The following EPB41L4A variants were observed in gnomAD, a reference collection of about 807,000 sequenced individuals.
EPB41L4A encodes band 4.1-like protein 4A.
Under a neutral mutation model 108.6 loss-of-function variants are expected in EPB41L4A, and 100 were observed. The ratio of observed to expected loss-of-function variants is 0.92; its 90% CI spans 0.78 to 1.09. The LOEUF (loss-of-function observed/expected upper bound fraction) is 1.09. Among genes scored for constraint, EPB41L4A ranks in the 50% least tolerant of loss-of-function variants. The pLI, the probability that EPB41L4A is intolerant of heterozygous loss-of-function variation, is 0.00. For synonymous variants in EPB41L4A, 319 were observed against 289.0 expected, an observed-to-expected ratio of 1.10 and a Z score of -1.05; for missense variants, 1,030 against 842.7, an observed-to-expected ratio of 1.22 and a Z score of -2.75.
At chr5:112,331,943 A>G (rs1756597803) in intron 1 of EPB41L4A, among the ~76,000 whole-genome samples, 1 of 152,230 alleles carries the variant, frequency 6.6e-6, no homozygotes, top group East Asian at 1.9e-4. Context: ...GTGACTCCCA[A>G]GAACAGCCAG....
rs1010806872 is a variant in EPB41L4A at position 112,163,029 on chromosome 5, A to G, written c.*1961T>C. On this transcript the variant is annotated 3_prime_UTR_variant, in exon 23 of 23. Transcript: ENST00000261486. Reference sequence around the variant, plus strand: ...ACAAAATGAGGCTGAAGAGGTAGGTAAAGAAGCCAGACCACTTCAGGCTCC... The same window carrying G: ...ACAAAATGAGGCTGAAGAGGTAGGTGAAGAAGCCAGACCACTTCAGGCTCC... 2 of 152,246 alleles carry G rather than the reference A, an allele frequency of 1.3e-5. No individual in the cohort carries two copies. Among genetic ancestry groups the G allele is most frequent in the Admixed American group, 6.5e-5 (1 of 15,284 alleles). The allele number at this position is 152,246 out of a possible 1,614,324, so 9.4% of individuals were successfully genotyped here.
At chr5:112,319,109 G>C (rs1755604987) in intron 1 of EPB41L4A, among the ~76,000 whole-genome samples, 1 of 152,148 alleles carries the variant, frequency 6.6e-6, no homozygotes, top group South Asian at 2.1e-4. Flanking sequence ...TGATTCCAAG[G>C]CTGAGACAGG....
At chr5:112,330,778 T>C (rs1756512154) in intron 1 of EPB41L4A, among the ~76,000 whole-genome samples, 1 of 152,090 alleles carries the variant, frequency 6.6e-6, no homozygotes, top group South Asian at 2.1e-4. Flanking sequence ...AGGATTATAC[T>C]TCTGGGTCTG....
At chr5:112,161,517 AGTGAAT>A, downstream of EPB41L4A, 1 of 519,196 alleles carries the variant, frequency 1.9e-6, no homozygotes, top group Non-Finnish European at 3.8e-6. Context: ...TTTGGAAACT[AGTGAAT>A]GTGGTGTCAA....
intron 18 of EPB41L4A, among the ~76,000 whole-genome samples, chr5:112,171,818 T>C (rs1338155386): frequency 6.6e-6 from 1 of 152,162 alleles, no homozygotes; most frequent in Admixed American, 6.5e-5. Context: ...ATCAGTCCCT[T>C]TAAGAGAACA....
At chr5:112,313,522 T>C (rs1339508963) in intron 1 of EPB41L4A, among the ~76,000 whole-genome samples, 1 of 151,876 alleles carries the variant, frequency 6.6e-6, no homozygotes, top group East Asian at 1.9e-4. Context: ...ACCCGGGAGG[T>C]GGAGGCTGCA....
intron 17 of EPB41L4A, among the ~76,000 whole-genome samples, chr5:112,185,182 T>C (rs777624056): frequency 5.9e-5 from 9 of 151,576 alleles, no homozygotes; most frequent in African/African-American, 2.2e-4. Context: ...TGCTCCAGAG[T>C]GTTCATCTCC....
intron 9 of EPB41L4A, among the ~76,000 whole-genome samples, chr5:112,246,269 T>C (rs4958023): frequency 0.059 from 9,042 of 152,228 alleles, 324 homozygotes; most frequent in Middle Eastern, 0.085. Context: ...CAACAGCGGT[T>C]CCTTAAGATT....
chr5:112,399,464 C>G (rs1240584859), intron 1 of EPB41L4A, among the ~76,000 whole-genome samples: 2 of 152,194 alleles, frequency 1.3e-5, no homozygotes, highest in African/African-American at 4.8e-5. Context: ...CATCCAGGGC[C>G]CAGCCCACTG....
At chr5:112,183,587 C>T (rs183194254) in intron 18 of EPB41L4A, among the ~76,000 whole-genome samples, 3 of 152,314 alleles carry the variant, frequency 2.0e-5, no homozygotes, top group African/African-American at 4.8e-5. Flanking sequence ...TAATGAATCA[C>T]TCACTGACTA....
intron 12 of EPB41L4A, among the ~76,000 whole-genome samples, chr5:112,223,277 C>T (rs60728593): frequency 0.014 from 2,138 of 152,128 alleles, 48 homozygotes; most frequent in African/African-American, 0.049. Context: ...ACCTATCTCT[C>T]CCTATAACCT....
Position 112,164,692 on chromosome 5 carries a change from G to A in EPB41L4A, c.*298C>T, listed in dbSNP as rs1440614385. The stretch of plus-strand genomic sequence containing the variant: ...ACTAAAAATACAAAAAGAATTAGCC[G>A]GGTGTTGTGGTGCACGCCTGTAATC... On this transcript the variant is annotated 3_prime_UTR_variant, in exon 23 of 23. Transcript: ENST00000261486. 17 of 182,774 alleles carry A rather than the reference G, an allele frequency of 9.3e-5. No individual in the cohort carries two copies. The South Asian group carries it at 2.0e-3, about 22-fold the overall frequency. 11.3% of individuals were successfully genotyped at this position (182,774 alleles called of 1,614,324 possible).
chr5:112,381,646 G>T (rs1038372886), intron 1 of EPB41L4A, among the ~76,000 whole-genome samples: 3 of 152,232 alleles, frequency 2.0e-5, no homozygotes, highest in African/African-American at 7.2e-5. Flanking sequence ...TCCAAACAAG[G>T]CTGAGTTGCA....
At chr5:112,259,031 T>C (rs901815563) in intron 9 of EPB41L4A, among the ~76,000 whole-genome samples, 198 bp downstream of exon 9, 8 of 152,204 alleles carry the variant, frequency 5.3e-5, no homozygotes, top group African/African-American at 1.4e-4. Flanking sequence ...AAATCTAAAA[T>C]GCCCATTTCT....
chr5:112,178,361 T>C (rs1466337340), intron 18 of EPB41L4A, among the ~76,000 whole-genome samples: 3 of 152,148 alleles, frequency 2.0e-5, no homozygotes, highest in Admixed American at 1.3e-4. Flanking sequence ...ATCACTGTTG[T>C]AGATTTTAAC....
At chr5:112,178,474 G>GA (rs1760984393) in intron 18 of EPB41L4A, among the ~76,000 whole-genome samples, 1 of 152,034 alleles carries the variant, frequency 6.6e-6, no homozygotes. Context: ...ACCAGTAACT[G>GA]AGACTCCTCA....
chr5:112,199,603 G>A (rs965246400), intron 15 of EPB41L4A, among the ~76,000 whole-genome samples: 7 of 152,140 alleles, frequency 4.6e-5, no homozygotes, highest in Non-Finnish European at 7.4e-5. Flanking sequence ...CACAACCCAT[G>A]TGAATCCCAC....
chr5:112,148,021 A>G (rs1170339758), intron 12 of EPB41L4A, among the ~76,000 whole-genome samples: 2 of 151,754 alleles, frequency 1.3e-5, no homozygotes, highest in African/African-American at 4.8e-5. Flanking sequence ...CCTGGGTGAC[A>G]GAGTGAAAAA....
At chr5:112,290,726 G>A (rs1753588211) in intron 2 of EPB41L4A, among the ~76,000 whole-genome samples, 1 of 152,086 alleles carries the variant, frequency 6.6e-6, no homozygotes, top group Admixed American at 6.5e-5. Context: ...AAATATACAG[G>A]TGGTTAAGTT....
Sources: allele counts gnomAD v4.1 joint callset (sites outside exome capture counted in the v4.1 genomes callset), GRCh38; gene constraint gnomAD v4.1.1; transcripts MANE v1.5; gene names NCBI Gene and HGNC (gene_info 2026-07-23, HGNC 2026-07-21).